Variants in PDZD8 observed in about 807,000 individuals in gnomAD.
PDZD8 encodes the protein PDZ domain-containing protein 8.
PDZD8 carries 14 observed loss-of-function variants against 85.8 expected under a neutral mutation model. The observed-to-expected ratio is 0.16, with a 90% CI of 0.11 to 0.26. The LOEUF (loss-of-function observed/expected upper bound fraction) is 0.26. PDZD8 is among the 10% of genes least tolerant of loss of function. The probability of loss-of-function intolerance (pLI) is 1.00; values close to 1 mark genes in which losing one functional copy is unlikely to be tolerated. For missense variants in PDZD8, 1,197 were observed against 1,424.3 expected (o/e 0.84, Z 2.57); for synonymous variants, 592 against 568.6 (o/e 1.04, Z -0.59).
Position 117,358,328 on chromosome 10 carries a change from C to T in PDZD8, c.872+16028G>A, listed in dbSNP as rs17095837. Among the ~76,000 whole-genome samples the T allele has an allele frequency of 1.6e-3, 243 of 151,910 alleles. 4 individuals are homozygous for T. In the East Asian group the frequency reaches 0.042, roughly 26 times the overall value. On this transcript the variant is annotated intron_variant, in intron 1 of 4. Transcript: ENST00000334464. The stretch of plus-strand genomic sequence containing the variant: ...ATGCATATAAAAGTATAGTATTGTC[C>T]CAGACCAAAGCAGTAGTTCACTAAA...
chr10:117,281,351 C>CAAAAAAAAA lies in PDZD8; in HGVS notation c.*1908_*1916dup, dbSNP rs57494461. Reference sequence around the variant, plus strand: ...CCTGGGAGACAGCGAGACTCTGTCTCAAAAAAAAAAAAAAAAAAAAAAAAA... The same window carrying CAAAAAAAAA: ...CCTGGGAGACAGCGAGACTCTGTCTCAAAAAAAAAAAAAAAAAAAAAAAAAAAAAAAAAA... On this transcript the variant is annotated 3_prime_UTR_variant, in exon 5 of 5. Coordinates refer to ENST00000334464, the MANE Select transcript of PDZD8 (RefSeq NM_173791.5). The CAAAAAAAAA allele has an allele frequency of 8.8e-6, 1 of 113,934 alleles. No homozygotes were observed. The highest frequency in any genetic ancestry group is 3.9e-5 in the African/African-American group (1 of 25,882). The allele number at this position is 113,934 out of a possible 1,614,324, so 7.1% of individuals were successfully genotyped here.
chr10:117,374,254 G>A lies in PDZD8; in HGVS notation c.872+102C>T. ...CAGGGTGGGAAGGCCCCAGAAGCAG[G>A]CGCCAGGACAGAAATGAGCCTTTGC... On this transcript the variant is annotated intron_variant, in intron 1 of 4. Transcript: ENST00000334464. The surrounding 1 kb of genome is among the most constrained non-coding windows in gnomAD (Gnocchi z 7.8). 6.6e-7 allele frequency: 1 copy of A among 1,513,768 alleles called. No homozygotes were observed. The highest frequency in any genetic ancestry group is 8.9e-7 in the Non-Finnish European group (1 of 1,128,234). The allele number at this position is 1,513,768 out of a possible 1,614,324, so 93.8% of individuals were successfully genotyped here. A position where few individuals can be genotyped will look rare whatever the true frequency, so the allele number is the denominator to read the frequency against.
chr10:117,352,083 G>A (rs1056373368), intron 1 of PDZD8, among the ~76,000 whole-genome samples: 5 of 145,234 alleles, frequency 3.4e-5, no homozygotes, highest in Admixed American at 1.4e-4. Flanking sequence ...AGATCTGACA[G>A]AACCTTTTGT....
chr10:117,309,574 C>T (rs1286824037), intron 3 of PDZD8, among the ~76,000 whole-genome samples: 1 of 152,010 alleles, frequency 6.6e-6, no homozygotes, highest in African/African-American at 2.4e-5. Context: ...AAAAACCCTC[C>T]ATTCCCAGTG....
intron 3 of PDZD8, among the ~76,000 whole-genome samples, chr10:117,318,031 AAATC>A (rs1844159884): frequency 6.6e-6 from 1 of 152,232 alleles, no homozygotes; most frequent in South Asian, 2.1e-4. Context: ...ATACATAAAT[AAATC>A]AGAAACAATT....
chr10:117,343,135 CAA>C, intron 1 of PDZD8, among the ~76,000 whole-genome samples: 1 of 152,212 alleles, frequency 6.6e-6, no homozygotes, highest in East Asian at 1.9e-4. Context: ...CGCTGATTTA[CAA>C]AGAGTTAACA....
chr10:117,372,841 G>C (rs1279303349), intron 1 of PDZD8, among the ~76,000 whole-genome samples: 2 of 152,086 alleles, frequency 1.3e-5, no homozygotes, highest in East Asian at 1.9e-4. Flanking sequence ...AACATAATTG[G>C]TAAGGTACAT....
intron 3 of PDZD8, among the ~76,000 whole-genome samples, chr10:117,307,942 T>C (rs1316913754): frequency 2.0e-5 from 3 of 152,116 alleles, no homozygotes; most frequent in Non-Finnish European, 2.9e-5. Context: ...GAACTTCACA[T>C]TTACAGCAAA....
At chr10:117,361,457 A>C (rs994683887) in intron 1 of PDZD8, among the ~76,000 whole-genome samples, 1 of 152,136 alleles carries the variant, frequency 6.6e-6, no homozygotes, top group African/African-American at 2.4e-5. Context: ...TGTACTCTGG[A>C]CAAAGTTGGT....
chr10:117,298,145 G>T lies in PDZD8; in HGVS notation c.1099-7797C>A, dbSNP rs964814725. Among the ~76,000 whole-genome samples the T allele has an allele frequency of 3.9e-5, 6 of 152,124 alleles. No individual in the cohort carries two copies. The East Asian group carries it at 1.2e-3, about 29-fold the overall frequency. Reference sequence around the variant, plus strand: ...AATTACTAGACTGTAGATACAGAATGAAACCAGATATAAGAAGCAAGAACA... The same window carrying T: ...AATTACTAGACTGTAGATACAGAATTAAACCAGATATAAGAAGCAAGAACA... On this transcript the variant is annotated intron_variant, in intron 3 of 4. Coordinates refer to ENST00000334464, the MANE Select transcript of PDZD8 (RefSeq NM_173791.5).
intron 3 of PDZD8, among the ~76,000 whole-genome samples, chr10:117,305,755 C>T (rs1226895785): frequency 1.3e-5 from 2 of 152,114 alleles, no homozygotes; most frequent in African/African-American, 4.8e-5. Flanking sequence ...CAGAAATTAA[C>T]ATTTAATGGA....
Position 117,347,643 on chromosome 10 carries a change from C to CA in PDZD8, c.873-6542dup, listed in dbSNP as rs75612604. ...TACAGAGTTTGACTCTTTTTGTGGACAAAAAAAAATGGAAATTCTGTAGTC... is the reference window on the plus strand; with the variant it reads ...TACAGAGTTTGACTCTTTTTGTGGACAAAAAAAAAATGGAAATTCTGTAGTC... On this transcript the variant is annotated intron_variant, in intron 1 of 4. Transcript: ENST00000334464. Among the ~76,000 whole-genome samples the CA allele has an allele frequency of 1.9e-3, 278 of 147,090 alleles. 1 individual carries two copies. Among genetic ancestry groups the CA allele is most frequent in the African/African-American group, 3.3e-3 (133 of 40,246 alleles).
intron 2 of PDZD8, among the ~76,000 whole-genome samples, chr10:117,325,783 G>A (rs1844306408): frequency 6.6e-6 from 1 of 152,086 alleles, no homozygotes; most frequent in South Asian, 2.1e-4. Flanking sequence ...CCTATAGACT[G>A]AACTGGATCC....
rs1156944300 is a variant in PDZD8 at position 117,284,024 on chromosome 10, T to G, written c.2709A>C (p.Lys903Asn). ...ATDRRIDRTL[K>N]NLRLEGQETL... ...TTTCCTGTCCTTCCAGCCTAAGGTT[T>G]TTCAGTGTCCTGTCTATTCGCCTAT... The change falls in exon 5 of 5, where the codon AAA becomes AAC. Residue 903 changes from lysine to asparagine, a missense_variant. Around this residue, in one of 4 missense-constraint regions of PDZD8, gnomAD observed 418 missense variants for 571.1 expected, o/e 0.73. Transcript: ENST00000334464. The G allele has an allele frequency of 6.2e-6, 10 of 1,614,070 alleles. No homozygotes were observed. Among genetic ancestry groups the G allele is most frequent in the Non-Finnish European group, 8.5e-6 (10 of 1,180,030 alleles).
intron 2 of PDZD8, among the ~76,000 whole-genome samples, chr10:117,329,327 C>T (rs747120186): frequency 6.6e-6 from 1 of 152,088 alleles, no homozygotes; most frequent in Non-Finnish European, 1.5e-5. Flanking sequence ...GAGCTATTAC[C>T]TCTGTGAAAT....
In PDZD8 at chr10:117,341,098, T is replaced by C; in HGVS notation, c.877A>G (p.Lys293Glu). 1 of 1,612,570 alleles carries C rather than the reference T, an allele frequency of 6.2e-7. No homozygotes were observed. The highest frequency in any genetic ancestry group is 8.5e-7 in the Non-Finnish European group (1 of 1,178,682). ...AAGGTCTGGTATGGAAAAAACGGCT[T>C]AAACCTGACAAAAGTAAAGATAAGT... The part of the protein sequence containing the change: ...HTLPNYKIRF[K>E]PFFPYQTLQG... The change falls in exon 2 of 5, where the codon AAG becomes GAG. Residue 293 changes from lysine (K) to glutamate (E), a missense_variant. By Grantham distance (56) the Lys-to-Glu change is moderately conservative (BLOSUM62 1). Transcript: ENST00000334464.
intron 3 of PDZD8, among the ~76,000 whole-genome samples, chr10:117,316,083 G>A (rs1589561107): frequency 6.6e-6 from 1 of 151,998 alleles, no homozygotes; most frequent in Non-Finnish European, 1.5e-5. Context: ...CCTAATTTTT[G>A]TTTAAGCCTA....
At chr10:117,343,253 T>TAAGA (rs1036405649) in intron 1 of PDZD8, among the ~76,000 whole-genome samples, 1 of 152,150 alleles carries the variant, frequency 6.6e-6, no homozygotes, top group African/African-American at 2.4e-5. Flanking sequence ...TCCCAGTAAG[T>TAAGA]AAGATTAAAG....
At chr10:117,287,159 C>A (rs1192060961) in intron 4 of PDZD8, among the ~76,000 whole-genome samples, 1 of 152,134 alleles carries the variant, frequency 6.6e-6, no homozygotes, top group East Asian at 1.9e-4. Flanking sequence ...CCTCCTGTCT[C>A]CTTCCTGACT....
Sources: gnomAD v4.1 joint callset for allele counts (sites outside exome capture counted in the v4.1 genomes callset) on GRCh38, gnomAD v4.1.1 for gene constraint, gnomAD v4.1.1 regional missense constraint, Gnocchi (gnomAD v3.1) non-coding constraint, MANE v1.5 for transcripts, NCBI Gene and HGNC (gene_info 2026-07-23, HGNC 2026-07-21) for gene names.